Variants in RIPOR3 observed in about 807,000 individuals in gnomAD.
RIPOR3 encodes the protein family with sequence similarity 65 member C.
RIPOR3 carries 95 observed loss-of-function variants against 114.3 expected under a neutral mutation model. The ratio of observed to expected loss-of-function variants is 0.83; its 90% CI spans 0.70 to 0.99. RIPOR3 has a LOEUF of 0.99. Ranked by LOEUF, RIPOR3 falls within the 50% of genes least tolerant of loss-of-function variation. The pLI is 0.00. For synonymous variants in RIPOR3, 575 were observed against 543.8 expected (o/e 1.06, Z -0.80); for missense variants, 1,252 against 1,266.9 (o/e 0.99, Z 0.18).
At chr20:50,630,986 G>T in intron 1 of RIPOR3, 130 bp from the exon 2 acceptor site, 1 of 713,982 alleles carries the variant, frequency 1.4e-6, no homozygotes, top group Non-Finnish European at 2.4e-6. Context: ...CTGGTACTGT[G>T]CCCAGCTCAC....
Position 50,594,652 on chromosome 20 carries a change from C to G in RIPOR3, c.2113G>C (p.Gly705Arg), listed in dbSNP as rs764962247. 1 of 1,613,736 alleles carries G rather than the reference C, an allele frequency of 6.2e-7. No homozygotes were observed. Among genetic ancestry groups the G allele is most frequent in the Middle Eastern group, 1.6e-4 (1 of 6,062 alleles). The change falls in exon 17 of 22, where the codon GGC becomes CGC. Residue 705 changes from glycine (G) to arginine (R), a missense_variant. Gly to Arg is a moderately radical substitution (Grantham distance 125, BLOSUM62 -2). Transcript: ENST00000327979. Reference sequence around the variant, plus strand: ...GTGGCAGGGCAGGACAGGACCCTGCCAGGCCCTGTGCACCCTCTCCACAGC... The same window carrying G: ...GTGGCAGGGCAGGACAGGACCCTGCGAGGCCCTGTGCACCCTCTCCACAGC... ...LKLWRGCTGP[G>R]RVLSCPATTL...
intron 1 of RIPOR3, among the ~76,000 whole-genome samples, chr20:50,676,014 G>A (rs1188895160): frequency 6.6e-6 from 1 of 152,202 alleles, no homozygotes; most frequent in African/African-American, 2.4e-5. Flanking sequence ...GAACTGTAGG[G>A]TAGTGAGGGA....
chr20:50,597,444 G>C, intron 14 of RIPOR3, 136 bp downstream of exon 14: 3 of 1,282,884 alleles, frequency 2.3e-6, no homozygotes, highest in Non-Finnish European at 3.2e-6. Flanking sequence ...ATGGGGAAGG[G>C]TGCACGATAG....
intron 1 of RIPOR3, among the ~76,000 whole-genome samples, chr20:50,690,054 T>G (rs562558420): frequency 1.9e-3 from 289 of 152,296 alleles, no homozygotes; most frequent in Non-Finnish European, 3.1e-3. Context: ...CTCTTATCTC[T>G]TGGCTGCTGC....
At position 50,596,224 on chromosome 20, in the gene RIPOR3, C is replaced by T. The variant is rs372472260; in HGVS notation, c.1830G>A (p.Ala610=). Residue 610 remains alanine (A), a synonymous_variant, in exon 15 of 22, where the codon GCG becomes GCA. Coordinates refer to ENST00000327979, the MANE Select transcript of RIPOR3 (RefSeq NM_001290268.2). ...CACCGGCTGTGAGTTCCCTGGATGA[C>T]GCTTTCAGTGATGACGGTGGGGGCA... ...RPLPPPSSLK[A]SSRELTAGAP... is the part of the protein sequence containing the mutation. 156 of 1,614,182 alleles carry T rather than the reference C, an allele frequency of 9.7e-5. No individual in the cohort carries two copies. Among genetic ancestry groups the T allele is most frequent in the Non-Finnish European group, 1.2e-4 (137 of 1,180,042 alleles).
intron 1 of RIPOR3, among the ~76,000 whole-genome samples, chr20:50,642,340 CTGTGGGTGTGTGTG>C (rs1335630927): frequency 1.4e-5 from 2 of 143,608 alleles, no homozygotes; most frequent in African/African-American, 5.3e-5. Flanking sequence ...AAATTGTTCT[CTGTGGGTGTGTGTG>C]TGTGTGTGTG....
At chr20:50,641,438 A>C (rs1354551876) in intron 1 of RIPOR3, among the ~76,000 whole-genome samples, 1 of 152,160 alleles carries the variant, frequency 6.6e-6, no homozygotes, top group Admixed American at 6.5e-5. Flanking sequence ...GCCAGGGTGC[A>C]GTGGTGTGAT....
intron 1 of RIPOR3, among the ~76,000 whole-genome samples, chr20:50,658,157 C>CAAAAAGG (rs2123442413): frequency 1.3e-5 from 2 of 152,244 alleles, no homozygotes; most frequent in South Asian, 4.1e-4. Context: ...ATATTCATAG[C>CAAAAAGG]CACATTATTC....
chr20:50,685,173 A>G (rs954296599), intron 1 of RIPOR3, among the ~76,000 whole-genome samples: 1 of 151,824 alleles, frequency 6.6e-6, no homozygotes, highest in African/African-American at 2.4e-5. Flanking sequence ...TAAAGTAGAG[A>G]CATGGCCATC....
chr20:50,618,022 T>C (rs1042822088), intron 3 of RIPOR3, among the ~76,000 whole-genome samples: 1 of 152,044 alleles, frequency 6.6e-6, no homozygotes, highest in African/African-American at 2.4e-5. Context: ...TCCCAGCACT[T>C]TGGGAAGCCA....
chr20:50,596,166 G>A lies in RIPOR3; in HGVS notation c.1888C>T (p.Leu630Phe), dbSNP rs369926463. The part of the protein sequence containing the change: ...PELDVLLMVH[L>F]QVCKALLQKL... The stretch of plus-strand genomic sequence containing the variant: ...TGCAGCAGAGCTTTGCAGACTTGGA[G>A]GTGTACCATCAGCAGCACGTCCAGC... The change falls in exon 15 of 22, where the codon CTC (leucine) becomes TTC (phenylalanine). Residue 630 changes from leucine (L) to phenylalanine (F), a missense_variant. Transcript: ENST00000327979. 3 of 1,614,200 alleles carry A rather than the reference G, an allele frequency of 1.9e-6. No individual in the cohort carries two copies. Among genetic ancestry groups the A allele is most frequent in the Non-Finnish European group, 2.5e-6 (3 of 1,180,042 alleles).
At chr20:50,676,601 G>T (rs1191674279) in intron 1 of RIPOR3, among the ~76,000 whole-genome samples, 1 of 151,900 alleles carries the variant, frequency 6.6e-6, no homozygotes, top group African/African-American at 2.4e-5. Flanking sequence ...GCAGTGAGCC[G>T]TGATCATGCC....
intron 2 of RIPOR3, among the ~76,000 whole-genome samples, chr20:50,623,783 C>A (rs140374080): frequency 6.6e-6 from 1 of 152,246 alleles, no homozygotes; most frequent in Non-Finnish European, 1.5e-5. Flanking sequence ...CAGGAGCTCG[C>A]TAAGGGCTTT....
At chr20:50,683,908 C>T (rs1017508267) in intron 1 of RIPOR3, among the ~76,000 whole-genome samples, 1 of 152,010 alleles carries the variant, frequency 6.6e-6, no homozygotes, top group African/African-American at 2.4e-5. Flanking sequence ...TAGCAAAACC[C>T]TGTCTCTACT....
intron 20 of RIPOR3, among the ~76,000 whole-genome samples, chr20:50,588,105 C>T (rs573998664): frequency 2.5e-4 from 38 of 152,212 alleles, no homozygotes; most frequent in African/African-American, 8.9e-4. Context: ...CCCTTACACC[C>T]GCTAGGGAGC....
At chr20:50,597,185 T>C in intron 14 of RIPOR3, 1 of 168,650 alleles carries the variant, frequency 5.9e-6, no homozygotes, top group Non-Finnish European at 1.3e-5. Context: ...AGGCTGGTCT[T>C]GAACTCCTGA....
chr20:50,655,341 C>CA lies in RIPOR3; in HGVS notation c.4-24486dup, dbSNP rs1489157339. 2.0e-5 allele frequency among the ~76,000 whole-genome samples: 3 copies of CA among 152,302 alleles called. No homozygotes were observed. In the East Asian group the frequency reaches 5.8e-4, roughly 29 times the overall value. On this transcript the variant is annotated intron_variant, in intron 1 of 21. Transcript: ENST00000327979. ...GAGACGGGGTGGGAATAGGGTTCCC[C>CA]AGGGACAAACTCCTTCTTGTCCCCC...
chr20:50,598,367 A>G (rs2083374703), intron 13 of RIPOR3, among the ~76,000 whole-genome samples: 2 of 151,284 alleles, frequency 1.3e-5, no homozygotes, highest in Non-Finnish European at 1.5e-5. Flanking sequence ...CTTGTCCCCA[A>G]CTCGTGGCTG....
chr20:50,664,614 G>A (rs977513756), intron 1 of RIPOR3, among the ~76,000 whole-genome samples: 1 of 152,154 alleles, frequency 6.6e-6, no homozygotes, highest in African/African-American at 2.4e-5. Context: ...ATCACTCAAC[G>A]CTCAGAGCTG....
Sources: allele counts gnomAD v4.1 joint callset (sites outside exome capture counted in the v4.1 genomes callset), GRCh38; gene constraint gnomAD v4.1.1; transcripts MANE v1.5; gene names NCBI Gene and HGNC (gene_info 2026-07-23, HGNC 2026-07-21).